Variants in TRAPPC3L observed in about 807,000 individuals in gnomAD.
The protein encoded by TRAPPC3L is trafficking protein particle complex subunit 3L, also known as trafficking protein particle complex subunit 3-like protein.
In TRAPPC3L, 23 loss-of-function variants were observed where a neutral mutation model predicts 23.7. That is an observed-to-expected ratio of 0.97 (90% CI 0.70 to 1.37). TRAPPC3L has a LOEUF of 1.37. TRAPPC3L is among the 40% of genes most tolerant of loss of function. The pLI is 0.00. For synonymous variants in TRAPPC3L, 81 were observed against 77.9 expected (o/e 1.04, Z -0.21); for missense variants, 212 against 216.8 (o/e 0.98, Z 0.14).
intron 2 of TRAPPC3L, 128 bp downstream of exon 2, chr6:116,543,175 C>T (rs1773567775): frequency 3.1e-6 from 2 of 644,802 alleles, no homozygotes; most frequent in South Asian, 5.1e-5. Context: ...GTTCAGCTTT[C>T]AGATGTGATT....
Position 116,501,952 on chromosome 6 carries a change from C to T in TRAPPC3L, c.241-1286G>A, listed in dbSNP as rs187572869. 4.1e-3 allele frequency among the ~76,000 whole-genome samples: 626 copies of T among 152,238 alleles called. 5 individuals carry two copies. Among genetic ancestry groups the T allele is most frequent in the African/African-American group, 0.014 (586 of 41,554 alleles). On this transcript the variant is annotated intron_variant, in intron 3 of 4. Coordinates refer to ENST00000368602, the MANE Select transcript of TRAPPC3L (RefSeq NM_001139444.3). ...CAGAAAAGCTGAAAATTCCAAAAAC[C>T]AGAACACCTCTTCTCCTCCAAAAGA...
chr6:116,524,696 C>A (rs1772412588), intron 3 of TRAPPC3L: 1 of 151,976 alleles, frequency 6.6e-6, no homozygotes, highest in South Asian at 2.1e-4. Context: ...TCAGGTAGGT[C>A]TTTTTGGAAC....
At chr6:116,499,237 T>C (rs985975365) in intron 4 of TRAPPC3L, among the ~76,000 whole-genome samples, 3 of 152,346 alleles carry the variant, frequency 2.0e-5, no homozygotes, top group Non-Finnish European at 2.9e-5. Context: ...ACCTAGTCCA[T>C]AACCTGTTCC....
intron 3 of TRAPPC3L, chr6:116,512,109 T>C: frequency 6.2e-7 from 1 of 1,614,058 alleles, no homozygotes; most frequent in Non-Finnish European, 8.5e-7. Context: ...TCAGGACTCC[T>C]GGAACTGATT....
chr6:116,545,352 C>A (rs1160187637), intron 1 of TRAPPC3L, 121 bp downstream of exon 1: 3 of 733,546 alleles, frequency 4.1e-6, no homozygotes, highest in Admixed American at 5.8e-5. Flanking sequence ...ATTCACTTCG[C>A]TGAACACTGT....
intron 3 of TRAPPC3L, among the ~76,000 whole-genome samples, chr6:116,536,504 T>C (rs770185504): frequency 2.0e-5 from 3 of 152,204 alleles, no homozygotes; most frequent in Non-Finnish European, 4.4e-5. Flanking sequence ...GCAGTGTAAG[T>C]TCAGGAAACC....
chr6:116,538,479 T>C (rs975645776), intron 3 of TRAPPC3L, among the ~76,000 whole-genome samples: 1 of 152,218 alleles, frequency 6.6e-6, no homozygotes, highest in African/African-American at 2.4e-5. Flanking sequence ...AATAAGTGAA[T>C]ACATTAATAA....
intron 3 of TRAPPC3L, among the ~76,000 whole-genome samples, chr6:116,535,795 G>A (rs192941436): frequency 9.6e-4 from 146 of 152,210 alleles, no homozygotes; most frequent in African/African-American, 1.9e-3. Context: ...TATCTTTAAA[G>A]ATATATTTTA....
chr6:116,538,649 T>A (rs1032136367), intron 3 of TRAPPC3L, among the ~76,000 whole-genome samples: 1 of 152,190 alleles, frequency 6.6e-6, no homozygotes, highest in African/African-American at 2.4e-5. Context: ...CAGGTTTTAT[T>A]TTCCACATTA....
intron 3 of TRAPPC3L, among the ~76,000 whole-genome samples, chr6:116,528,074 T>C (rs1200908588): frequency 1.3e-5 from 2 of 152,202 alleles, no homozygotes; most frequent in East Asian, 3.8e-4. Context: ...AGATGGACAT[T>C]CATAAGGAAG....
intron 4 of TRAPPC3L, among the ~76,000 whole-genome samples, chr6:116,499,123 G>A (rs1375143601): frequency 6.6e-6 from 1 of 152,162 alleles, no homozygotes; most frequent in Non-Finnish European, 1.5e-5. Flanking sequence ...TCTTGGTTTT[G>A]TTCCTCTTGG....
rs114296755 is a variant in TRAPPC3L, at chr6:116,526,082, G to C, written c.240+14281C>G. Reference sequence around the variant, plus strand: ...AAGTCAAGCAATTAAAGAAATATATGCTTACAAACTGATCCATTTCCACCT... The same window carrying C: ...AAGTCAAGCAATTAAAGAAATATATCCTTACAAACTGATCCATTTCCACCT... On this transcript the variant is annotated intron_variant, in intron 3 of 4. Coordinates refer to ENST00000368602, the MANE Select transcript of TRAPPC3L (RefSeq NM_001139444.3). 4.4e-4 allele frequency among the ~76,000 whole-genome samples: 67 copies of C among 152,242 alleles called. 1 individual carries two copies. In the South Asian group the frequency reaches 0.01, roughly 24 times the overall value.
chr6:116,540,039 A>G (rs1773339330), intron 3 of TRAPPC3L, among the ~76,000 whole-genome samples: 2 of 152,164 alleles, frequency 1.3e-5, no homozygotes, highest in African/African-American at 4.8e-5. Flanking sequence ...TATCGTAAAG[A>G]AACTGGTTTG....
At chr6:116,497,110 A>C (rs1049377107) in intron 4 of TRAPPC3L, 37 bp from the exon 5 acceptor site, 1 of 1,500,684 alleles carries the variant, frequency 6.7e-7, no homozygotes, top group East Asian at 2.6e-5. Context: ...GTGTCATTCA[A>C]TTAAAAAACA....
chr6:116,538,891 G>A (rs760753600), intron 3 of TRAPPC3L, among the ~76,000 whole-genome samples: 7 of 151,910 alleles, frequency 4.6e-5, no homozygotes, highest in Admixed American at 1.3e-4. Flanking sequence ...CACCACGCCC[G>A]GCTAATTTTT....
chr6:116,499,395 G>A (rs1012904614), intron 4 of TRAPPC3L, among the ~76,000 whole-genome samples: 3 of 151,898 alleles, frequency 2.0e-5, no homozygotes, highest in Admixed American at 1.3e-4. Context: ...CTTTCATTTG[G>A]TTGATAAAGA....
At chr6:116,500,439 A>T in intron 4 of TRAPPC3L, 42 bp downstream of exon 4, 6 of 1,491,618 alleles carry the variant, frequency 4.0e-6, no homozygotes, top group Non-Finnish European at 5.5e-6. Flanking sequence ...CCTTAGAAGG[A>T]CTAAGAGATT....
At chr6:116,517,636 G>A (rs1772253876) in intron 3 of TRAPPC3L, 1 of 152,126 alleles carries the variant, frequency 6.6e-6, no homozygotes, top group Non-Finnish European at 1.5e-5. Flanking sequence ...TATGTATTTG[G>A]TCTTTCTTCC....
At chr6:116,516,113 T>C in intron 3 of TRAPPC3L, 1 of 1,307,234 alleles carries the variant, frequency 7.6e-7, no homozygotes, top group Non-Finnish European at 1.0e-6. Context: ...TACAAGACAA[T>C]AACACAAAGG....
Sources: gnomAD v4.1 joint callset for allele counts (sites outside exome capture counted in the v4.1 genomes callset) on GRCh38, gnomAD v4.1.1 for gene constraint, MANE v1.5 for transcripts, NCBI Gene and HGNC (gene_info 2026-07-23, HGNC 2026-07-21) for gene names.